Variants in ADARB1 observed in about 807,000 individuals in gnomAD.
The protein encoded by ADARB1 is adenosine deaminase RNA specific B1.
ADARB1 carries 10 observed loss-of-function variants against 52.4 expected under a neutral mutation model. That is an observed-to-expected ratio of 0.19 (90% CI 0.12 to 0.32). The LOEUF (loss-of-function observed/expected upper bound fraction) is 0.32. Ranked by LOEUF, ADARB1 falls within the 10% of genes least tolerant of loss-of-function variation. The pLI, the probability that ADARB1 is intolerant of heterozygous loss-of-function variation, is 1.00. For missense variants in ADARB1, 643 were observed against 922.3 expected (o/e 0.70, Z 3.92); for synonymous variants, 349 against 371.1 (o/e 0.94, Z 0.68).
chr21:45,205,107 AAAAAT>A (rs2092641204), intron 9 of ADARB1, among the ~76,000 whole-genome samples: 3 of 152,074 alleles, frequency 2.0e-5, no homozygotes, highest in Non-Finnish European at 2.9e-5. Flanking sequence ...AAAAATACAA[AAAAAT>A]CAGCCAGATG....
chr21:45,150,340 A>C, intron 2 of ADARB1, among the ~76,000 whole-genome samples: 1 of 152,198 alleles, frequency 6.6e-6, no homozygotes, highest in Non-Finnish European at 1.5e-5. Flanking sequence ...CTTTCTATCA[A>C]AAATTTGAAT....
intron 9 of ADARB1, among the ~76,000 whole-genome samples, chr21:45,215,107 A>AGG (rs2092836352): frequency 6.6e-6 from 1 of 152,132 alleles, no homozygotes; most frequent in Non-Finnish European, 1.5e-5. Flanking sequence ...GAGTGCAGTA[A>AGG]CGTGATCATA....
At chr21:45,087,449 GAC>G (rs1190096168) in intron 1 of ADARB1, among the ~76,000 whole-genome samples, 1 of 152,160 alleles carries the variant, frequency 6.6e-6, no homozygotes, top group African/African-American at 2.4e-5. Context: ...GATGCAGGAA[GAC>G]ACACGCTCCC....
chr21:45,110,179 C>T (rs2087470004), intron 1 of ADARB1, among the ~76,000 whole-genome samples: 1 of 152,202 alleles, frequency 6.6e-6, no homozygotes, highest in Non-Finnish European at 1.5e-5. Context: ...AGACTCTTTC[C>T]TCTGCATAAT....
intron 1 of ADARB1, among the ~76,000 whole-genome samples, chr21:45,096,833 G>A (rs1243911894): frequency 2.6e-5 from 4 of 152,102 alleles, no homozygotes; most frequent in South Asian, 2.1e-4. Flanking sequence ...TCTGCCTCCC[G>A]GGTTCACACC....
rs2091711644 is a variant in ADARB1 at position 45,176,780 on chromosome 21, C to T, written c.963+116C>T. 1 of 1,171,960 alleles carries T rather than the reference C, an allele frequency of 8.5e-7. No homozygotes were observed. The highest frequency in any genetic ancestry group is 1.2e-6 in the Non-Finnish European group (1 of 854,458). The allele number at this position is 1,171,960 out of a possible 1,614,324, so 72.6% of individuals were successfully genotyped here. A position where few individuals can be genotyped will look rare whatever the true frequency, so the allele number is the denominator to read the frequency against. On this transcript the variant is annotated intron_variant, in intron 4 of 10. Coordinates refer to ENST00000348831, the MANE Select transcript of ADARB1 (RefSeq NM_001112.4). This position sits in a 1 kb window ranked among gnomAD's most constrained non-coding sequence, Gnocchi z 5.8. ...TTTCCACCTTGACATCACTCTGTCCCCACCAGGAGGAGTTACTGGTAAGTC... is the reference window on the plus strand; with the variant it reads ...TTTCCACCTTGACATCACTCTGTCCTCACCAGGAGGAGTTACTGGTAAGTC...
intron 1 of ADARB1, among the ~76,000 whole-genome samples, chr21:45,099,777 T>A (rs1375143546): frequency 1.3e-5 from 2 of 152,246 alleles, no homozygotes; most frequent in African/African-American, 4.8e-5. Flanking sequence ...CACATGCTGT[T>A]CTGAGGCTGG....
chr21:45,192,666 AG>A (rs2092330888), intron 8 of ADARB1, among the ~76,000 whole-genome samples: 3 of 152,214 alleles, frequency 2.0e-5, no homozygotes, highest in African/African-American at 7.2e-5. Flanking sequence ...GGCAAGGAAC[AG>A]TGAAGCACCA....
At chr21:45,154,430 AAAGTTTTAT>A (rs1323501258) in intron 2 of ADARB1, among the ~76,000 whole-genome samples, 1 of 152,256 alleles carries the variant, frequency 6.6e-6, no homozygotes, top group East Asian at 1.9e-4. Context: ...CCAAACTGGC[AAAGTTTTAT>A]AAGATGTAAA....
chr21:45,167,703 C>T (rs1290656835), intron 2 of ADARB1, among the ~76,000 whole-genome samples: 5 of 151,968 alleles, frequency 3.3e-5, no homozygotes, highest in South Asian at 4.1e-4. Context: ...GCCGAGATAG[C>T]GCCACTGCAC....
intron 1 of ADARB1, among the ~76,000 whole-genome samples, chr21:45,086,070 A>G (rs1207961083): frequency 6.6e-6 from 1 of 152,160 alleles, no homozygotes; most frequent in African/African-American, 2.4e-5. Flanking sequence ...TAGAATGGAA[A>G]AGGCAGGCTT....
intron 1 of ADARB1, among the ~76,000 whole-genome samples, chr21:45,115,818 C>T (rs1336417808): frequency 1.3e-5 from 2 of 152,110 alleles, no homozygotes; most frequent in African/African-American, 2.4e-5. Flanking sequence ...TTACATAACA[C>T]GTGGTATTGT....
intron 1 of ADARB1, among the ~76,000 whole-genome samples, chr21:45,103,822 TTAAAAA>T (rs751125352): frequency 1.2e-4 from 19 of 152,214 alleles, no homozygotes; most frequent in Non-Finnish European, 2.5e-4. Context: ...AACGTTTACT[TTAAAAA>T]TAAGTGTTTT....
Position 45,220,871 on chromosome 21 carries a change from G to A in ADARB1, c.1783G>A (p.Ala595Thr), listed in dbSNP as rs2092952495. 6.2e-7 allele frequency: 1 copy of A among 1,613,398 alleles called. No homozygotes were observed. Among genetic ancestry groups the A allele is most frequent in the Non-Finnish European group, 8.5e-7 (1 of 1,179,924 alleles). Residue 595 changes from alanine (A) to threonine (T), a missense_variant, in exon 10 of 11, where the codon GCC becomes ACC. By Grantham distance (58) the Ala-to-Thr change is moderately conservative. Around this residue, in one of 2 missense-constraint regions of ADARB1, gnomAD observed 263 missense variants for 475.8 expected, o/e 0.55. Transcript: ENST00000348831. The surrounding 1 kb of genome is among the most constrained non-coding windows in gnomAD (Gnocchi z 6.3). Reference sequence around the variant, plus strand: ...TGCAGAAGCACGGCAGCCAGGGAAGGCCCCCAACTTCAGTGTCAACTGGAC... The same window carrying A: ...TGCAGAAGCACGGCAGCCAGGGAAGACCCCCAACTTCAGTGTCAACTGGAC... ...SNAEARQPGK[A>T]PNFSVNWTVG...
At position 45,176,431 on chromosome 21, in the gene ADARB1, C is replaced by T. The variant is rs769342205; in HGVS notation, c.730C>T (p.Arg244Cys). The change falls in exon 4 of 11, where the codon CGC becomes TGC. Residue 244 changes from arginine to cysteine, a missense_variant. By Grantham distance (180) the Arg-to-Cys change is radical. Around this residue, in one of 2 missense-constraint regions of ADARB1, gnomAD observed 380 missense variants for 446.5 expected, o/e 0.85. Transcript: ENST00000348831. This position sits in a 1 kb window ranked among gnomAD's most constrained non-coding sequence, Gnocchi z 5.8. ...KNPVMILNEL[R>C]PGLKYDFLSE... ...TCCCGTGATGATCTTGAACGAACTG[C>T]GCCCAGGACTCAAGTATGACTTCCT... The T allele has an allele frequency of 1.2e-5, 20 of 1,614,184 alleles. No individual in the cohort carries two copies. The highest frequency in any genetic ancestry group is 6.7e-5 in the African/African-American group (5 of 75,040).
intron 1 of ADARB1, among the ~76,000 whole-genome samples, chr21:45,107,066 C>G (rs900964958): frequency 4.6e-5 from 7 of 152,164 alleles, no homozygotes; most frequent in Non-Finnish European, 7.3e-5. Flanking sequence ...ATGCAAACGT[C>G]AATGTTATTC....
In ADARB1 at chr21:45,184,995, C is replaced by T. The variant is rs770534585; in HGVS notation, c.1469C>T (p.Thr490Met). Residue 490 changes from threonine to methionine, a missense_variant, in exon 8 of 11, where the codon ACG becomes ATG. Physicochemically the swap from Thr to Met is moderately conservative, Grantham distance 81. Transcript: ENST00000348831. ...ACCAAAATAGAGTCTGGTGAGGGGA[C>T]GATTCCAGTGCGCTCCAATGCGAGC... ...LRTKIESGEGTIPVRSNASIQ... is the reference protein window; with the variant it reads ...LRTKIESGEGMIPVRSNASIQ... 1.2e-6 allele frequency: 2 copies of T among 1,614,164 alleles called. No individual in the cohort carries two copies. Among genetic ancestry groups the T allele is most frequent in the Non-Finnish European group, 1.7e-6 (2 of 1,180,022 alleles).
chr21:45,180,835 G>T (rs1019507818), intron 5 of ADARB1, among the ~76,000 whole-genome samples: 7 of 152,220 alleles, frequency 4.6e-5, no homozygotes, highest in African/African-American at 1.7e-4. Context: ...CTTCCTTTGA[G>T]GAGGGAGAGA....
In ADARB1 at chr21:45,222,956, A is replaced by G; in HGVS notation, c.*759A>G. 2.0e-6 allele frequency: 2 copies of G among 985,494 alleles called. No individual in the cohort carries two copies. Among genetic ancestry groups the G allele is most frequent in the Non-Finnish European group, 2.4e-6 (2 of 829,944 alleles). 61.0% of individuals were successfully genotyped at this position (985,494 alleles called of 1,614,324 possible). On this transcript the variant is annotated 3_prime_UTR_variant, in exon 11 of 11. Coordinates refer to ENST00000348831, the MANE Select transcript of ADARB1 (RefSeq NM_001112.4). ...GCTTCTGTACTCCTTGTAGGATCAG[A>G]TCATGGAAAACTTTTCTCAGTTTAC...
Sources: allele counts gnomAD v4.1 joint callset (sites outside exome capture counted in the v4.1 genomes callset), GRCh38; gene constraint gnomAD v4.1.1; regional missense constraint gnomAD v4.1.1; non-coding constraint Gnocchi (gnomAD v3.1); transcripts MANE v1.5; gene names NCBI Gene and HGNC (gene_info 2026-07-23, HGNC 2026-07-21).